Variants in PLEKHH2 observed in about 807,000 individuals in gnomAD.
PLEKHH2 encodes pleckstrin homology domain-containing family H member 2.
A neutral mutation model predicts 187.9 loss-of-function variants in PLEKHH2; 129 were observed. The observed-to-expected ratio is 0.69, with a 90% confidence interval of 0.59 to 0.79. PLEKHH2 has a LOEUF of 0.79. PLEKHH2 is among the 30% of genes least tolerant of loss of function. PLEKHH2 has a pLI of 0.00. For synonymous variants in PLEKHH2, 686 were observed against 605.6 expected (o/e 1.13, Z -1.95); for missense variants, 2,076 against 1,751.2 (o/e 1.19, Z -3.31).
Position 43,710,845 on chromosome 2 carries a change from C to G in PLEKHH2, c.2301+270C>G, listed in dbSNP as rs570509306. The G allele has an allele frequency of 7.9e-5, 95 of 1,206,250 alleles. No individual in the cohort carries two copies. The African/African-American group carries it at 1.5e-3, about 19-fold the overall frequency. The allele number at this position is 1,206,250 out of a possible 1,614,324, so 74.7% of individuals were successfully genotyped here. A position where few individuals can be genotyped will look rare whatever the true frequency, so the allele number is the denominator to read the frequency against. The stretch of plus-strand genomic sequence containing the variant: ...TCATATTTAATCTCCTAGGTATTTT[C>G]AGCTGTCCAACTGTGAAGCTATTTT... On this transcript the variant is annotated intron_variant, in intron 14 of 29. Transcript: ENST00000282406.
chr2:43,730,053 C>G (rs1023682412), intron 18 of PLEKHH2, among the ~76,000 whole-genome samples: 9 of 152,098 alleles, frequency 5.9e-5, no homozygotes, highest in Non-Finnish European at 1.2e-4. Flanking sequence ...CTTAGGAGAT[C>G]CCCCAGCCAG....
chr2:43,699,552 A>G, intron 7 of PLEKHH2, 95 bp from the exon 8 acceptor site: 1 of 1,435,810 alleles, frequency 7.0e-7, no homozygotes, highest in Non-Finnish European at 9.4e-7. Flanking sequence ...AAATTTCTAC[A>G]GTGTCAATTT....
At position 43,742,309 on chromosome 2, in the gene PLEKHH2, A is replaced by ATT. The variant is rs71393204; in HGVS notation, c.3222-420_3222-419dup. On this transcript the variant is annotated intron_variant, in intron 21 of 29. Coordinates refer to ENST00000282406, the MANE Select transcript of PLEKHH2 (RefSeq NM_172069.4). ...GAGCCACCATGCCTGGCCTGAAGAC[A>ATT]TTTTTTTTTTTTTACCTTGTTTAGT... Among the ~76,000 whole-genome samples, 634 of 145,916 alleles carry ATT rather than the reference A, an allele frequency of 4.3e-3. 4 individuals are homozygous for ATT. The highest frequency in any genetic ancestry group is 0.015 in the African/African-American group (604 of 40,088).
rs542731103 is a variant in PLEKHH2 at position 43,750,416 on chromosome 2, G to C, written c.3654-3203G>C. On this transcript the variant is annotated intron_variant, in intron 24 of 29. Coordinates refer to ENST00000282406, the MANE Select transcript of PLEKHH2 (RefSeq NM_172069.4). Reference sequence around the variant, plus strand: ...GAACCCAGGAGGCAGAGGTTGCAGTGAGCCAAATCGTGCCACTGCATGCCA... The same window carrying C: ...GAACCCAGGAGGCAGAGGTTGCAGTCAGCCAAATCGTGCCACTGCATGCCA... Among the ~76,000 whole-genome samples the C allele has an allele frequency of 8.6e-5, 13 of 151,966 alleles. No individual in the cohort carries two copies. The South Asian group carries it at 2.7e-3, about 32-fold the overall frequency.
Position 43,743,210 on chromosome 2 carries a change from C to T in PLEKHH2, c.3399+292C>T, listed in dbSNP as rs143191338. On this transcript the variant is annotated intron_variant, in intron 22 of 29. Coordinates refer to ENST00000282406, the MANE Select transcript of PLEKHH2 (RefSeq NM_172069.4). ...TTGGGGCTTTTTCCCATCAGTACAC[C>T]TCCTAGGTGTGGAAATAATTACTGA... 4.9e-3 allele frequency among the ~76,000 whole-genome samples: 749 copies of T among 152,272 alleles called. 6 individuals carry two copies. The highest frequency in any genetic ancestry group is 0.017 in the African/African-American group (702 of 41,554).
chr2:43,765,296 G>A, intron 29 of PLEKHH2, 117 bp from the exon 30 acceptor site: 1 of 902,766 alleles, frequency 1.1e-6, no homozygotes, highest in South Asian at 1.7e-5. Flanking sequence ...AGAGAGAAGG[G>A]AATTCTGGTA....
chr2:43,737,405 G>T lies in PLEKHH2; in HGVS notation c.2944-936G>T, dbSNP rs543913917. ...TAGATAAGGACATTTCTGTGTATCT[G>T]TTGTCTACTGTTACATTTAAAATTT... On this transcript the variant is annotated intron_variant, in intron 19 of 29. Transcript: ENST00000282406. Among the ~76,000 whole-genome samples, 5 of 152,314 alleles carry T rather than the reference G, an allele frequency of 3.3e-5. No individual in the cohort carries two copies. The South Asian group carries it at 1.0e-3, about 32-fold the overall frequency.
At chr2:43,701,225 A>T (rs1465509509) in intron 8 of PLEKHH2, among the ~76,000 whole-genome samples, 1 of 152,234 alleles carries the variant, frequency 6.6e-6, no homozygotes, top group East Asian at 1.9e-4. Flanking sequence ...TACTGAAGCC[A>T]TGCCCCTCTA....
At chr2:43,638,930 A>G (rs1703243293) in intron 1 of PLEKHH2, among the ~76,000 whole-genome samples, 3 of 152,226 alleles carry the variant, frequency 2.0e-5, no homozygotes, top group Non-Finnish European at 2.9e-5. Context: ...TAGGGAATGT[A>G]GATGTTAAAT....
rs551014444 is a variant in PLEKHH2, at chr2:43,701,037, A to T, written c.1650+429A>T. Among the ~76,000 whole-genome samples, 4 of 152,266 alleles carry T rather than the reference A, an allele frequency of 2.6e-5. No individual in the cohort carries two copies. The East Asian group carries it at 7.7e-4, about 29-fold the overall frequency. ...CTTCTCTTCCCTCACTGAGTTCTGAATCAATTGAGAAATAAGATAATGACA... is the reference window on the plus strand; with the variant it reads ...CTTCTCTTCCCTCACTGAGTTCTGATTCAATTGAGAAATAAGATAATGACA... On this transcript the variant is annotated intron_variant, in intron 8 of 29. Coordinates refer to ENST00000282406, the MANE Select transcript of PLEKHH2 (RefSeq NM_172069.4).
intron 2 of PLEKHH2, among the ~76,000 whole-genome samples, chr2:43,678,296 C>T (rs1250119723): frequency 6.6e-6 from 1 of 152,122 alleles, no homozygotes. Context: ...CTCCTCACTT[C>T]CCAGACGGGG....
intron 20 of PLEKHH2, among the ~76,000 whole-genome samples, chr2:43,739,748 T>G (rs6544699): frequency 0.47 from 71,888 of 152,046 alleles, 19,548 homozygotes; most frequent in African/African-American, 0.76. Context: ...ATGAATAAAT[T>G]CGCCCCATCC....
intron 2 of PLEKHH2, among the ~76,000 whole-genome samples, chr2:43,652,962 C>A (rs921364961): frequency 1.3e-5 from 2 of 152,012 alleles, no homozygotes; most frequent in Non-Finnish European, 2.9e-5. Flanking sequence ...GAAAAAATGG[C>A]AAACCTAAGA....
At chr2:43,683,750 C>T (rs1295802605) in intron 3 of PLEKHH2, among the ~76,000 whole-genome samples, 3 of 151,886 alleles carry the variant, frequency 2.0e-5, no homozygotes, top group Admixed American at 1.3e-4. Context: ...TGACCTCCAC[C>T]AGGAGGTGGA....
At chr2:43,691,238 G>A (rs184447621) in intron 3 of PLEKHH2, among the ~76,000 whole-genome samples, 133 of 152,312 alleles carry the variant, frequency 8.7e-4, no homozygotes, top group African/African-American at 2.8e-3. Context: ...CTCAAAGAAT[G>A]AGCAAGGCAG....
chr2:43,720,411 G>T (rs970097766), intron 15 of PLEKHH2, among the ~76,000 whole-genome samples: 1 of 152,016 alleles, frequency 6.6e-6, no homozygotes, highest in African/African-American at 2.4e-5. Flanking sequence ...CATAGTACCC[G>T]ATAGGTAGCT....
intron 2 of PLEKHH2, among the ~76,000 whole-genome samples, chr2:43,671,753 G>C (rs1667509156): frequency 6.6e-6 from 1 of 152,054 alleles, no homozygotes; most frequent in African/African-American, 2.4e-5. Context: ...GAACTACATT[G>C]GTTTATTTTT....
chr2:43,720,414 AG>A (rs1465582717), intron 15 of PLEKHH2, among the ~76,000 whole-genome samples: 1 of 152,088 alleles, frequency 6.6e-6, no homozygotes, highest in Non-Finnish European at 1.5e-5. Context: ...AGTACCCGAT[AG>A]GTAGCTTTTT....
rs1271302758 is a variant in PLEKHH2, at chr2:43,706,396, G to A, written c.1801G>A (p.Val601Met). Residue 601 changes from valine to methionine, a missense_variant, in exon 10 of 30, where the codon GTG (valine) becomes ATG (methionine). Transcript: ENST00000282406. Reference sequence around the variant, plus strand: ...GATATACAAGAACATGACCACCCCAGTGTATACAACTTTGAAGGGGGTAAC... The same window carrying A: ...GATATACAAGAACATGACCACCCCAATGTATACAACTTTGAAGGGGGTAAC... ...SLIYKNMTTP[V>M]YTTLKGKATQ... is the part of the protein sequence containing the mutation. The A allele has an allele frequency of 1.3e-6, 2 of 1,596,834 alleles. No homozygotes were observed. Among genetic ancestry groups the A allele is most frequent in the Non-Finnish European group, 1.7e-6 (2 of 1,164,804 alleles).
Sources: allele counts gnomAD v4.1 joint callset (sites outside exome capture counted in the v4.1 genomes callset), GRCh38; gene constraint gnomAD v4.1.1; transcripts MANE v1.5; gene names NCBI Gene and HGNC (gene_info 2026-07-23, HGNC 2026-07-21).